Variants in NETO1 observed in about 807,000 individuals in gnomAD.
NETO1 encodes neuropilin and tolloid-like protein 1.
NETO1 carries 26 observed loss-of-function variants against 61.3 expected under a neutral mutation model. That is an observed-to-expected ratio of 0.42 (90% CI 0.31 to 0.59). The LOEUF is 0.59. Among genes scored for constraint, NETO1 ranks in the 20% least tolerant of loss-of-function variants. The pLI is 0.12. For synonymous variants in NETO1, 225 were observed against 225.8 expected (o/e 1.00, Z 0.03); for missense variants, 531 against 662.8 (o/e 0.80, Z 2.18).
chr18:72,744,793 G>A lies in NETO1; in HGVS notation c.*3386C>T, dbSNP rs1202912047. 2 of 151,960 alleles carry A rather than the reference G, an allele frequency of 1.3e-5. No individual in the cohort carries two copies. Among genetic ancestry groups the A allele is most frequent in the East Asian group, 1.9e-4 (1 of 5,186 alleles). The allele number at this position is 151,960 out of a possible 1,614,324, so 9.4% of individuals were successfully genotyped here. On this transcript the variant is annotated 3_prime_UTR_variant, in exon 11 of 11. Coordinates refer to ENST00000327305, the MANE Select transcript of NETO1 (RefSeq NM_138966.5). Reference sequence around the variant, plus strand: ...ACAAAACATCAGTAAATTAATTGCCGCCACTTTAATCAAGGTAATAGGAAC... The same window carrying A: ...ACAAAACATCAGTAAATTAATTGCCACCACTTTAATCAAGGTAATAGGAAC...
intron 8 of NETO1, among the ~76,000 whole-genome samples, chr18:72,754,162 C>A (rs1021683815): frequency 5.3e-5 from 8 of 151,722 alleles, no homozygotes; most frequent in African/African-American, 1.9e-4. Context: ...TGTTTTAAGT[C>A]CTAAAGCAAC....
intron 7 of NETO1, among the ~76,000 whole-genome samples, chr18:72,764,845 G>C (rs539504072): frequency 1.3e-5 from 2 of 152,230 alleles, no homozygotes; most frequent in African/African-American, 4.8e-5. Context: ...AAAGGCTCAA[G>C]ACCATCCTTG....
intron 4 of NETO1, among the ~76,000 whole-genome samples, chr18:72,852,649 C>A: frequency 6.6e-6 from 1 of 152,122 alleles, no homozygotes. Flanking sequence ...CTCCTGAACA[C>A]CCACCTAGAC....
intron 4 of NETO1, among the ~76,000 whole-genome samples, chr18:72,844,555 C>A (rs2074027893): frequency 6.6e-6 from 1 of 152,204 alleles, no homozygotes; most frequent in Non-Finnish European, 1.5e-5. Context: ...AAGTTACACA[C>A]CTACTTTTCA....
intron 4 of NETO1, among the ~76,000 whole-genome samples, chr18:72,804,573 A>T (rs1487521167): frequency 6.6e-6 from 1 of 152,234 alleles, no homozygotes; most frequent in Non-Finnish European, 1.5e-5. Context: ...ACATTGAACC[A>T]ATCATTCCAT....
chr18:72,847,189 T>C (rs1212162768), intron 4 of NETO1, among the ~76,000 whole-genome samples: 1 of 152,234 alleles, frequency 6.6e-6, no homozygotes, highest in Non-Finnish European at 1.5e-5. Flanking sequence ...GACTAATATA[T>C]CCTCCTGCTT....
At chr18:72,776,484 A>G (rs2071552716) in intron 7 of NETO1, among the ~76,000 whole-genome samples, 1 of 152,228 alleles carries the variant, frequency 6.6e-6, no homozygotes. Flanking sequence ...AATGCCATAA[A>G]GGGAGCAGCT....
chr18:72,835,103 T>C, intron 4 of NETO1: 7 of 1,150,150 alleles, frequency 6.1e-6, no homozygotes, highest in Non-Finnish European at 7.5e-6. Context: ...GGAGTTCTAA[T>C]TTACTAAGTC....
chr18:72,852,514 C>T (rs993719035), intron 4 of NETO1, among the ~76,000 whole-genome samples: 2 of 152,032 alleles, frequency 1.3e-5, no homozygotes, highest in Non-Finnish European at 2.9e-5. Context: ...CGTGCCCGGC[C>T]GGAAGACACT....
intron 6 of NETO1, among the ~76,000 whole-genome samples, chr18:72,793,772 C>T (rs907643229): frequency 3.3e-5 from 5 of 152,192 alleles, no homozygotes; most frequent in Admixed American, 6.5e-5. Context: ...ACAAAATAAA[C>T]CAACTGCAGA....
At chr18:72,783,532 G>A in intron 7 of NETO1, 146 bp downstream of exon 7, 1 of 661,578 alleles carries the variant, frequency 1.5e-6, no homozygotes, top group Non-Finnish European at 2.6e-6. Context: ...ATCAAAATGA[G>A]AAAAAGAGGA....
chr18:72,779,268 A>T (rs1334399347), intron 7 of NETO1, among the ~76,000 whole-genome samples: 1 of 151,282 alleles, frequency 6.6e-6, no homozygotes, highest in Non-Finnish European at 1.5e-5. Context: ...TATATTAGAC[A>T]TATAGTTACA....
intron 7 of NETO1, among the ~76,000 whole-genome samples, chr18:72,768,208 G>C (rs990917447): frequency 6.6e-6 from 1 of 151,966 alleles, no homozygotes; most frequent in African/African-American, 2.4e-5. Flanking sequence ...CTTGCCCAAA[G>C]TCATATTTAA....
At chr18:72,759,867 T>C (rs879881662) in intron 7 of NETO1, among the ~76,000 whole-genome samples, 1 of 152,222 alleles carries the variant, frequency 6.6e-6, no homozygotes, top group African/African-American at 2.4e-5. Flanking sequence ...AATTTATTTG[T>C]AATAAAGTGG....
At chr18:72,859,798 A>G (rs886124931) in intron 3 of NETO1, among the ~76,000 whole-genome samples, 13 of 152,110 alleles carry the variant, frequency 8.5e-5, no homozygotes, top group African/African-American at 2.7e-4. Context: ...ACCCAACATT[A>G]TCTCCTCTTT....
intron 4 of NETO1, among the ~76,000 whole-genome samples, chr18:72,840,176 T>G (rs551219748): frequency 2.6e-5 from 4 of 152,210 alleles, no homozygotes; most frequent in Admixed American, 2.0e-4. Flanking sequence ...CAGTAAGGAT[T>G]GGTTGACAGG....
chr18:72,821,389 C>T (rs1325026614), intron 4 of NETO1, among the ~76,000 whole-genome samples: 1 of 146,250 alleles, frequency 6.8e-6, no homozygotes, highest in African/African-American at 2.6e-5. Context: ...CTAAAACAAA[C>T]AAACAAAAAA....
At chr18:72,771,470 G>T (rs941927457) in intron 7 of NETO1, among the ~76,000 whole-genome samples, 3 of 152,168 alleles carry the variant, frequency 2.0e-5, no homozygotes, top group African/African-American at 7.2e-5. Context: ...AGTTAGTGTG[G>T]AAGTGCGGTG....
intron 7 of NETO1, among the ~76,000 whole-genome samples, chr18:72,782,021 T>G (rs897873625): frequency 2.0e-5 from 3 of 152,136 alleles, no homozygotes; most frequent in Non-Finnish European, 4.4e-5. Flanking sequence ...TCAAGTAGGT[T>G]CTGGAGTCTG....
Sources: gnomAD v4.1 joint callset for allele counts (sites outside exome capture counted in the v4.1 genomes callset) on GRCh38, gnomAD v4.1.1 for gene constraint, MANE v1.5 for transcripts, NCBI Gene and HGNC (gene_info 2026-07-23, HGNC 2026-07-21) for gene names.